The following ELMO1 variants were observed in gnomAD, a reference collection of about 807,000 sequenced individuals.
ELMO1 encodes engulfment and cell motility protein 1.
A neutral mutation model predicts 98.9 loss-of-function variants in ELMO1; 26 were observed. The observed-to-expected ratio is 0.26, with a 90% CI of 0.19 to 0.36. The LOEUF (loss-of-function observed/expected upper bound fraction) is 0.36, where lower values mean the gene tolerates loss of function less well. Ranked by LOEUF, ELMO1 falls within the 10% of genes least tolerant of loss-of-function variation. The pLI, the probability that ELMO1 is intolerant of heterozygous loss-of-function variation, is 1.00. For synonymous variants in ELMO1, 346 were observed against 346.0 expected (o/e 1.00, Z 0.00); for missense variants, 627 against 935.2 (o/e 0.67, Z 4.30).
intron 4 of ELMO1, among the ~76,000 whole-genome samples, chr7:37,274,678 G>A (rs567704922): frequency 8.5e-5 from 13 of 152,172 alleles, no homozygotes; most frequent in African/African-American, 2.7e-4. Context: ...TCAGCCTTCC[G>A]AGTAGCTGGG....
chr7:37,229,627 T>C (rs1355572769), intron 8 of ELMO1, among the ~76,000 whole-genome samples: 2 of 152,192 alleles, frequency 1.3e-5, no homozygotes, highest in Non-Finnish European at 2.9e-5. Flanking sequence ...TAAAGCTCCA[T>C]TTAAAAGACA....
chr7:37,328,227 CAA>C (rs1288435760), intron 2 of ELMO1, among the ~76,000 whole-genome samples: 1 of 151,632 alleles, frequency 6.6e-6, no homozygotes, highest in East Asian at 1.9e-4. Flanking sequence ...ACAAAAAATA[CAA>C]AAAGTTAGCC....
At chr7:37,137,950 T>C (rs1271867364) in intron 13 of ELMO1, among the ~76,000 whole-genome samples, 4 of 151,990 alleles carry the variant, frequency 2.6e-5, no homozygotes, top group African/African-American at 9.7e-5. Flanking sequence ...TGCAAACACA[T>C]GGAAATTAAA....
intron 16 of ELMO1, among the ~76,000 whole-genome samples, chr7:36,987,558 C>G (rs1791602173): frequency 6.6e-6 from 1 of 152,168 alleles, no homozygotes; most frequent in Non-Finnish European, 1.5e-5. Context: ...CTCTGCAAGC[C>G]TGGGACCCTC....
At chr7:36,896,117 C>G (rs9639748) in intron 16 of ELMO1, among the ~76,000 whole-genome samples, 45,834 of 152,074 alleles carry the variant, frequency 0.3, 8,960 homozygotes, top group Non-Finnish European at 0.43. Context: ...AGACAAACCA[C>G]AGATGCACCC....
rs112962669 is a variant in ELMO1, at chr7:37,119,473, G to C, written c.1191+13657C>G. Among the ~76,000 whole-genome samples the C allele has an allele frequency of 6.6e-3, 1,012 of 152,246 alleles. 10 individuals carry two copies. The highest frequency in any genetic ancestry group is 0.023 in the African/African-American group (959 of 41,530). ...GCCTCCCTGTCCCAACCATTAGTTA[G>C]GATCTAAATCATTATTTCTCCCAAC... On this transcript the variant is annotated intron_variant, in intron 14 of 21. Transcript: ENST00000310758.
chr7:37,338,623 A>G (rs1181235200), intron 2 of ELMO1, among the ~76,000 whole-genome samples: 1 of 152,214 alleles, frequency 6.6e-6, no homozygotes, highest in Non-Finnish European at 1.5e-5. Context: ...GATGCTGCTT[A>G]TTGAAGTGTT....
intron 13 of ELMO1, among the ~76,000 whole-genome samples, chr7:37,199,501 C>A: frequency 6.6e-6 from 1 of 152,160 alleles, no homozygotes; most frequent in Admixed American, 6.5e-5. Context: ...TTCATGCATC[C>A]CCTTTTCAGA....
At chr7:36,883,468 G>A (rs899119800) in intron 18 of ELMO1, among the ~76,000 whole-genome samples, 2 of 152,162 alleles carry the variant, frequency 1.3e-5, no homozygotes, top group African/African-American at 2.4e-5. Flanking sequence ...TTGGAGGTGG[G>A]TCCTGGTGGG....
intron 7 of ELMO1, among the ~76,000 whole-genome samples, chr7:37,235,277 A>G (rs1434423215): frequency 6.6e-6 from 1 of 152,244 alleles, no homozygotes; most frequent in Non-Finnish European, 1.5e-5. Context: ...AGACTGCCTC[A>G]GGAAAATAAG....
intron 16 of ELMO1, among the ~76,000 whole-genome samples, chr7:36,950,682 A>T (rs1787894874): frequency 6.6e-6 from 1 of 152,208 alleles, no homozygotes; most frequent in African/African-American, 2.4e-5. Context: ...TATTTCTCAA[A>T]TGTTCACTGC....
intron 15 of ELMO1, chr7:37,033,279 G>A (rs182959324): frequency 4.8e-6 from 2 of 414,458 alleles, no homozygotes; most frequent in East Asian, 1.4e-4. Context: ...CCTTCCAGGG[G>A]ATCCTTGTGC....
chr7:36,923,240 G>A (rs1021387727), intron 16 of ELMO1, among the ~76,000 whole-genome samples: 2 of 152,212 alleles, frequency 1.3e-5, no homozygotes, highest in African/African-American at 4.8e-5. Context: ...TCACAGGACA[G>A]AACACAACCT....
At position 37,316,035 on chromosome 7, in the gene ELMO1, AT is replaced by A. The variant is rs1799137070; in HGVS notation, c.79-76del. ...TAAATTAAAAAAAAGAAGAAGCTTC[AT>A]AAAAAGATTATCTAAGCAAAGAGAA... On this transcript the variant is annotated intron_variant, in intron 2 of 21. Coordinates refer to ENST00000310758, the MANE Select transcript of ELMO1 (RefSeq NM_014800.11). The A allele has an allele frequency of 2.5e-6, 3 of 1,181,662 alleles. No individual in the cohort carries two copies. In the South Asian group the frequency reaches 4.0e-5, roughly 16 times the overall value. The allele number at this position is 1,181,662 out of a possible 1,614,324, so 73.2% of individuals were successfully genotyped here.
chr7:37,049,258 G>A (rs992221950), intron 15 of ELMO1, among the ~76,000 whole-genome samples: 4 of 152,064 alleles, frequency 2.6e-5, no homozygotes, highest in Non-Finnish European at 2.9e-5. Flanking sequence ...GGACAGTGCC[G>A]CTTTGGGACT....
intron 1 of ELMO1, among the ~76,000 whole-genome samples, chr7:37,410,642 A>T (rs1382915139): frequency 6.6e-6 from 1 of 152,246 alleles, no homozygotes; most frequent in Non-Finnish European, 1.5e-5. Flanking sequence ...AATGAACAGT[A>T]ATCCAGATTT....
At chr7:37,284,156 C>G (rs760571503) in intron 4 of ELMO1, among the ~76,000 whole-genome samples, 6 of 152,080 alleles carry the variant, frequency 3.9e-5, no homozygotes, top group African/African-American at 7.2e-5. Context: ...GAAGGAAGCC[C>G]TGGTTGGCCC....
chr7:37,407,154 T>A (rs1803804962), intron 1 of ELMO1, among the ~76,000 whole-genome samples: 1 of 152,126 alleles, frequency 6.6e-6, no homozygotes, highest in Non-Finnish European at 1.5e-5. Context: ...TAAACAATGG[T>A]ACATCCACAC....
intron 19 of ELMO1, among the ~76,000 whole-genome samples, chr7:36,872,106 T>C (rs1253088086): frequency 6.6e-6 from 1 of 152,180 alleles, no homozygotes; most frequent in African/African-American, 2.4e-5. Flanking sequence ...AGTCAGGTCA[T>C]GTGATTAATT....
Sources: allele counts gnomAD v4.1 joint callset (sites outside exome capture counted in the v4.1 genomes callset), GRCh38; gene constraint gnomAD v4.1.1; transcripts MANE v1.5; gene names NCBI Gene and HGNC (gene_info 2026-07-23, HGNC 2026-07-21).